Variants in KMT2C observed in about 807,000 individuals in gnomAD.
KMT2C encodes the protein lysine methyltransferase 2C.
KMT2C carries 88 observed loss-of-function variants against 507.9 expected under a neutral mutation model. The ratio of observed to expected loss-of-function variants is 0.17; its 90% CI spans 0.15 to 0.21. The LOEUF (loss-of-function observed/expected upper bound fraction) is 0.21, where lower values mean the gene tolerates loss of function less well. KMT2C is among the 10% of genes least tolerant of loss of function. The probability of loss-of-function intolerance (pLI) is 1.00; values close to 1 mark genes in which losing one functional copy is unlikely to be tolerated. For missense variants in KMT2C, 4,954 were observed against 5,957.8 expected (o/e 0.83, Z 5.55); for synonymous variants, 2,049 against 2,080.8 (o/e 0.98, Z 0.42).
intron 2 of KMT2C, among the ~76,000 whole-genome samples, chr7:152,357,717 TACTCTAACTAG>T (rs2097163685): frequency 6.6e-6 from 1 of 152,150 alleles, no homozygotes; most frequent in African/African-American, 2.4e-5. Flanking sequence ...CCAAGAGTAA[TACTCTAACTAG>T]ACCTTATTGG....
At position 152,177,764 on chromosome 7, in the gene KMT2C, A is replaced by G. The variant is rs147841626; in HGVS notation, c.7689T>C (p.His2563=). Residue 2563 remains histidine, a synonymous_variant, in exon 38 of 59, where the codon CAT becomes CAC. Coordinates refer to ENST00000262189, the MANE Select transcript of KMT2C (RefSeq NM_170606.3). ...ILGQAYIELR[H]RAPDGRQRLP... ...GCCGTTGCCTTCCGTCAGGAGCCCT[A>G]TGTCTCAGTTCAATATATGCTTGGC... 1.6e-5 allele frequency: 26 copies of G among 1,614,110 alleles called. No homozygotes were observed. The African/African-American group carries it at 3.5e-4, about 22-fold the overall frequency.
intron 14 of KMT2C, among the ~76,000 whole-genome samples, chr7:152,241,068 G>A (rs1017863241): frequency 3.3e-5 from 5 of 152,116 alleles, no homozygotes; most frequent in Non-Finnish European, 7.4e-5. Flanking sequence ...TTGTCTCCCC[G>A]CTGCTACGCT....
At position 152,148,024 on chromosome 7, in the gene KMT2C, A is replaced by G; in HGVS notation, c.13894+9T>C. On this transcript the variant is annotated intron_variant, in intron 52 of 58. Transcript: ENST00000262189. The surrounding 1 kb of genome is among the most constrained non-coding windows in gnomAD (Gnocchi z 7.1). Reference sequence around the variant, plus strand: ...TAGCACTGCACAGCATGTGAACGGCAGACGTTACCTTTAGGTGAGATGTCA... The same window carrying G: ...TAGCACTGCACAGCATGTGAACGGCGGACGTTACCTTTAGGTGAGATGTCA... 6.4e-7 allele frequency: 1 copy of G among 1,559,638 alleles called. No individual in the cohort carries two copies. Among genetic ancestry groups the G allele is most frequent in the Non-Finnish European group, 8.7e-7 (1 of 1,149,186 alleles).
rs549575252 is a variant in KMT2C, at chr7:152,430,739, G to C, written c.161+4887C>G. On this transcript the variant is annotated intron_variant, in intron 1 of 58. Transcript: ENST00000262189. Reference sequence around the variant, plus strand: ...AAGGCCTCACTTTGTTGCCCAGGCTGGTCTCAAACTCCTTTTAAATGAGGA... The same window carrying C: ...AAGGCCTCACTTTGTTGCCCAGGCTCGTCTCAAACTCCTTTTAAATGAGGA... Among the ~76,000 whole-genome samples the C allele has an allele frequency of 7.0e-3, 1,065 of 152,170 alleles. 8 individuals carry two copies. The highest frequency in any genetic ancestry group is 0.012 in the Non-Finnish European group (812 of 67,994).
At chr7:152,389,901 T>C (rs1294507654) in intron 1 of KMT2C, among the ~76,000 whole-genome samples, 1 of 152,156 alleles carries the variant, frequency 6.6e-6, no homozygotes, top group Non-Finnish European at 1.5e-5. Context: ...CGCAGCAACA[T>C]GGATGGAGCT....
intron 44 of KMT2C, among the ~76,000 whole-genome samples, chr7:152,158,117 A>G (rs1158542626): frequency 6.6e-6 from 1 of 152,222 alleles, no homozygotes; most frequent in Non-Finnish European, 1.5e-5. Context: ...GCTCTGTACT[A>G]AATGAATGCT....
At chr7:152,323,852 G>A (rs1056802049) in intron 3 of KMT2C, among the ~76,000 whole-genome samples, 3 of 150,816 alleles carry the variant, frequency 2.0e-5, no homozygotes, top group Non-Finnish European at 3.0e-5. Flanking sequence ...GAGAGAGAGA[G>A]AGAAGCGGGA....
intron 9 of KMT2C, among the ~76,000 whole-genome samples, chr7:152,260,615 A>G (rs1330176326): frequency 6.6e-6 from 1 of 152,200 alleles, no homozygotes; most frequent in Non-Finnish European, 1.5e-5. Flanking sequence ...ATAAACTGAA[A>G]AAACTGAAGA....
At position 152,144,293 on chromosome 7, in the gene KMT2C, C is replaced by T. The variant is rs1458229036; in HGVS notation, c.14343+420G>A. On this transcript the variant is annotated intron_variant, in intron 55 of 58. Coordinates refer to ENST00000262189, the MANE Select transcript of KMT2C (RefSeq NM_170606.3). The surrounding 1 kb of genome is among the most constrained non-coding windows in gnomAD (Gnocchi z 4.4). The stretch of plus-strand genomic sequence containing the variant: ...AGATAGTCCACAGTCTACCAAAAAA[C>T]ATGCACTGATTTCATGAAACGGTAG... 1.3e-5 allele frequency among the ~76,000 whole-genome samples: 2 copies of T among 152,228 alleles called. No homozygotes were observed. Among genetic ancestry groups the T allele is most frequent in the African/African-American group, 2.4e-5 (1 of 41,472 alleles).
chr7:152,305,740 T>C (rs2096610708), intron 6 of KMT2C, among the ~76,000 whole-genome samples: 1 of 152,146 alleles, frequency 6.6e-6, no homozygotes, highest in South Asian at 2.1e-4. Flanking sequence ...CTCCTTCAGG[T>C]AGGTTCCCGT....
intron 7 of KMT2C, among the ~76,000 whole-genome samples, chr7:152,271,673 C>CAGAAA (rs2095974896): frequency 3.6e-5 from 2 of 54,994 alleles, no homozygotes; most frequent in African/African-American, 1.3e-4. Flanking sequence ...GACTCCATCT[C>CAGAAA]AAAAAAAAAA....
At chr7:152,259,634 A>G (rs1252512873) in intron 9 of KMT2C, among the ~76,000 whole-genome samples, 2 of 152,234 alleles carry the variant, frequency 1.3e-5, no homozygotes, top group Non-Finnish European at 2.9e-5. Context: ...CTAAAAACAC[A>G]TAACATACCA....
rs745865492 is a variant in KMT2C at position 152,249,891 on chromosome 7, T to A, written c.1798A>T (p.Ser600Cys). 6.3e-7 allele frequency: 1 copy of A among 1,594,392 alleles called. No individual in the cohort carries two copies. The highest frequency in any genetic ancestry group is 1.7e-5 in the Admixed American group (1 of 59,964). Residue 600 changes from serine (S) to cysteine (C), a missense_variant, in exon 13 of 59, where the codon AGT becomes TGT. Physicochemically the swap from Ser to Cys is moderately radical, Grantham distance 112. Coordinates refer to ENST00000262189, the MANE Select transcript of KMT2C (RefSeq NM_170606.3). Reference protein sequence around the residue: ...SHPSESLDTDSLLIAVSSQHT... With the variant: ...SHPSESLDTDCLLIAVSSQHT... ...TACTGCTTACCAGCAATAAGAAGAC[T>A]ATCTGTGTCAAGACTTTCTGAGGGA...
chr7:152,341,746 C>T (rs1371144901), intron 2 of KMT2C, among the ~76,000 whole-genome samples: 1 of 152,114 alleles, frequency 6.6e-6, no homozygotes, highest in Non-Finnish European at 1.5e-5. Context: ...TACAAACTTT[C>T]ATATCAAAAA....
intron 6 of KMT2C, among the ~76,000 whole-genome samples, chr7:152,295,931 G>A (rs1429183392): frequency 6.6e-6 from 1 of 151,990 alleles, no homozygotes; most frequent in Non-Finnish European, 1.5e-5. Flanking sequence ...AGCCGGGCAT[G>A]GTGGCGGGTG....
chr7:152,434,232 G>A (rs377577586), intron 1 of KMT2C, among the ~76,000 whole-genome samples: 34 of 152,272 alleles, frequency 2.2e-4, no homozygotes, highest in African/African-American at 8.2e-4. Context: ...TTTGTATCAC[G>A]AACAAGCTAA....
At chr7:152,273,557 G>T in intron 7 of KMT2C, 148 bp downstream of exon 7, 1 of 776,468 alleles carries the variant, frequency 1.3e-6, no homozygotes, top group Non-Finnish European at 1.8e-6. Context: ...CCTCCCCAGC[G>T]ATCCCTGGCA....
chr7:152,418,388 G>A (rs1055002906), intron 1 of KMT2C, among the ~76,000 whole-genome samples: 1 of 152,100 alleles, frequency 6.6e-6, no homozygotes, highest in African/African-American at 2.4e-5. Flanking sequence ...GAGGAAAAGG[G>A]GAGACAGCTG....
At chr7:152,154,596 A>T in intron 46 of KMT2C, 151 bp from the exon 47 acceptor site, 1 of 599,216 alleles carries the variant, frequency 1.7e-6, no homozygotes, top group Non-Finnish European at 2.9e-6. Context: ...TCAGAGCCAC[A>T]CTGGGAAAAA....
Sources: gnomAD v4.1 joint callset for allele counts (sites outside exome capture counted in the v4.1 genomes callset) on GRCh38, gnomAD v4.1.1 for gene constraint, Gnocchi (gnomAD v3.1) non-coding constraint, MANE v1.5 for transcripts, NCBI Gene and HGNC (gene_info 2026-07-23, HGNC 2026-07-21) for gene names.